Variants in LRP1B observed in about 807,000 individuals in gnomAD.
LRP1B encodes the protein low-density lipoprotein receptor-related protein 1B.
A neutral mutation model predicts 556.6 loss-of-function variants in LRP1B; 217 were observed. That is an observed-to-expected ratio of 0.39 (90% CI 0.35 to 0.44). The LOEUF (loss-of-function observed/expected upper bound fraction) is 0.44. LRP1B is among the 20% of genes least tolerant of loss of function. LRP1B has a pLI of 1.00. For synonymous variants in LRP1B, 2,047 were observed against 1,865.8 expected, an observed-to-expected ratio of 1.10 and a Z score of -2.50; for missense variants, 5,053 against 5,620.8, an observed-to-expected ratio of 0.90 and a Z score of 3.23.
intron 7 of LRP1B, among the ~76,000 whole-genome samples, chr2:141,074,386 A>G (rs975041874): frequency 1.3e-5 from 2 of 151,960 alleles, no homozygotes; most frequent in African/African-American, 4.8e-5. Flanking sequence ...GGCATTCTGT[A>G]CTTCTATAAC....
intron 41 of LRP1B, among the ~76,000 whole-genome samples, chr2:140,618,256 T>A (rs1683327157): frequency 6.6e-6 from 1 of 151,570 alleles, no homozygotes; most frequent in Non-Finnish European, 1.5e-5. Flanking sequence ...TAAAAGAAGG[T>A]TTTATAGAAA....
chr2:140,415,158 C>G (rs1306125053), intron 66 of LRP1B, among the ~76,000 whole-genome samples: 3 of 152,122 alleles, frequency 2.0e-5, no homozygotes, highest in African/African-American at 7.2e-5. Flanking sequence ...CGGTTCTCTG[C>G]TCGTGAAGGC....
rs962569693 is a variant in LRP1B at position 141,990,331 on chromosome 2, T to C, written c.82+140317A>G. ...CTCTAAAAATGAATGTTAAATACTT[T>C]AAAATTTAAAAATATTAATCATTTA... On this transcript the variant is annotated intron_variant, in intron 1 of 90. Transcript: ENST00000389484. Among the ~76,000 whole-genome samples, 13 of 152,180 alleles carry C rather than the reference T, an allele frequency of 8.5e-5. No homozygotes were observed. In the South Asian group the frequency reaches 2.5e-3, roughly 29 times the overall value.
intron 7 of LRP1B, among the ~76,000 whole-genome samples, chr2:141,111,633 A>G (rs1226331185): frequency 6.6e-6 from 1 of 152,126 alleles, no homozygotes; most frequent in Non-Finnish European, 1.5e-5. Flanking sequence ...CACCTTATAC[A>G]AATATAAAAT....
intron 41 of LRP1B, among the ~76,000 whole-genome samples, chr2:140,641,069 T>C (rs1318278799): frequency 6.6e-6 from 1 of 152,188 alleles, no homozygotes; most frequent in Non-Finnish European, 1.5e-5. Flanking sequence ...GTCTTCACAA[T>C]AAAACTCCAC....
intron 32 of LRP1B, among the ~76,000 whole-genome samples, chr2:140,800,447 G>A (rs1232405185): frequency 6.6e-6 from 1 of 152,144 alleles, no homozygotes; most frequent in African/African-American, 2.4e-5. Context: ...TAACTGAGCA[G>A]TTAATTTAGG....
chr2:140,954,306 C>G (rs1023222742), intron 18 of LRP1B, among the ~76,000 whole-genome samples: 1 of 152,048 alleles, frequency 6.6e-6, no homozygotes, highest in Non-Finnish European at 1.5e-5. Flanking sequence ...GGCATTTAAA[C>G]AGAGAATCAA....
At chr2:141,161,271 G>A (rs1677294842) in intron 7 of LRP1B, among the ~76,000 whole-genome samples, 3 of 152,004 alleles carry the variant, frequency 2.0e-5, no homozygotes, top group African/African-American at 7.2e-5. Context: ...GTATACAGAA[G>A]GCTCATTTTC....
At chr2:140,629,418 C>T (rs1005272243) in intron 41 of LRP1B, among the ~76,000 whole-genome samples, 9 of 151,962 alleles carry the variant, frequency 5.9e-5, no homozygotes, top group African/African-American at 2.2e-4. Context: ...AGTGTATATG[C>T]CCTGTGATTC....
chr2:141,222,610 C>T (rs989430892), intron 6 of LRP1B, among the ~76,000 whole-genome samples: 1 of 152,138 alleles, frequency 6.6e-6, no homozygotes, highest in Non-Finnish European at 1.5e-5. Context: ...CCCCAATGAA[C>T]ATCAATGCAA....
intron 5 of LRP1B, among the ~76,000 whole-genome samples, chr2:141,243,451 C>T (rs1683955614): frequency 6.6e-6 from 1 of 152,028 alleles, no homozygotes; most frequent in Admixed American, 6.6e-5. Flanking sequence ...TACTGTACTC[C>T]AGCCTGAGCA....
chr2:141,001,182 C>T (rs148403859), intron 15 of LRP1B, among the ~76,000 whole-genome samples: 89 of 152,142 alleles, frequency 5.8e-4, no homozygotes, highest in African/African-American at 2.1e-3. Flanking sequence ...GAGAGTTTGG[C>T]CTCTTGATCA....
intron 3 of LRP1B, among the ~76,000 whole-genome samples, chr2:141,419,610 C>G (rs1216052647): frequency 6.6e-6 from 1 of 152,064 alleles, no homozygotes; most frequent in Non-Finnish European, 1.5e-5. Context: ...CTGTAACAAT[C>G]TGTAATGTCT....
intron 74 of LRP1B, among the ~76,000 whole-genome samples, chr2:140,357,326 C>T (rs1682272370): frequency 6.6e-6 from 1 of 151,022 alleles, no homozygotes; most frequent in Admixed American, 6.6e-5. Context: ...GCAGCCATAT[C>T]CTGGTGGGTA....
At chr2:141,027,202 C>T (rs769993801) in intron 11 of LRP1B, among the ~76,000 whole-genome samples, 2 of 151,950 alleles carry the variant, frequency 1.3e-5, no homozygotes, top group Non-Finnish European at 2.9e-5. Context: ...TCACAAAGAC[C>T]GTATATAGTG....
At chr2:140,614,697 A>C (rs1683197719) in intron 41 of LRP1B, among the ~76,000 whole-genome samples, 1 of 152,130 alleles carries the variant, frequency 6.6e-6, no homozygotes, top group Admixed American at 6.6e-5. Flanking sequence ...TTGAGCATTT[A>C]TTGAGTGGTG....
At chr2:141,817,671 G>A (rs573146545) in intron 1 of LRP1B, among the ~76,000 whole-genome samples, 1 of 152,110 alleles carries the variant, frequency 6.6e-6, no homozygotes, top group East Asian at 1.9e-4. Flanking sequence ...ATCAATAGGG[G>A]TCTACTGCAC....
intron 3 of LRP1B, among the ~76,000 whole-genome samples, chr2:141,275,781 C>G (rs1443721390): frequency 6.6e-6 from 1 of 151,938 alleles, no homozygotes; most frequent in East Asian, 1.9e-4. Flanking sequence ...AAAACACATT[C>G]AAAGAAAAGC....
chr2:142,119,084 G>A (rs1707367469), intron 1 of LRP1B, among the ~76,000 whole-genome samples: 1 of 152,072 alleles, frequency 6.6e-6, no homozygotes, highest in Admixed American at 6.6e-5. Context: ...TAAATTAGTT[G>A]AGATCTTTTG....
Sources: allele counts gnomAD v4.1 joint callset (sites outside exome capture counted in the v4.1 genomes callset), GRCh38; gene constraint gnomAD v4.1.1; transcripts MANE v1.5; gene names NCBI Gene and HGNC (gene_info 2026-07-23, HGNC 2026-07-21).